Variants in C5orf46 observed in about 807,000 individuals in gnomAD.
C5orf46 encodes uncharacterized protein C5orf46.
Under a neutral mutation model 8.9 loss-of-function variants are expected in C5orf46, and 9 were observed. That is an observed-to-expected ratio of 1.01 (90% CI 0.61 to 1.76). The LOEUF is 1.76. Among genes scored for constraint, C5orf46 ranks in the 40% most tolerant of loss-of-function variants. C5orf46 has a pLI of 0.00. For synonymous variants in C5orf46, 47 were observed against 41.4 expected (o/e 1.14, Z -0.52); for missense variants, 98 against 107.8 (o/e 0.91, Z 0.40).
intron 2 of C5orf46, chr5:147,886,266 A>G (rs1757415104): frequency 6.6e-6 from 1 of 152,152 alleles, no homozygotes; most frequent in African/African-American, 2.4e-5. Context: ...TTTTACCTGT[A>G]TCAATGTCAG....
intron 3 of C5orf46, among the ~76,000 whole-genome samples, chr5:147,893,979 C>T (rs1283057519): frequency 6.6e-6 from 1 of 151,166 alleles, no homozygotes; most frequent in Non-Finnish European, 1.5e-5. Context: ...AATCAAGTGA[C>T]ATTGTGGCCA....
At chr5:147,900,574 C>G (rs934883960) in intron 2 of C5orf46, among the ~76,000 whole-genome samples, 2 of 152,200 alleles carry the variant, frequency 1.3e-5, no homozygotes, top group Admixed American at 6.5e-5. Flanking sequence ...CTGATCAAGG[C>G]ATGGCTTTTG....
At chr5:147,896,169 C>T (rs1201082860) in intron 3 of C5orf46, among the ~76,000 whole-genome samples, 1 of 152,180 alleles carries the variant, frequency 6.6e-6, no homozygotes, top group Non-Finnish European at 1.5e-5. Context: ...CTATTCTGCT[C>T]TGTTTCCAGT....
downstream of C5orf46, among the ~76,000 whole-genome samples, chr5:147,891,486 T>C (rs116736152): frequency 3.6e-3 from 554 of 152,322 alleles, 4 homozygotes; most frequent in African/African-American, 0.013. Context: ...TTACCAAATC[T>C]TGTATTGATA....
chr5:147,901,738 C>A lies in C5orf46; in HGVS notation c.106G>T (p.Asp36Tyr). The change falls in exon 2 of 4, where the codon GAC becomes TAC. Residue 36 changes from aspartate to tyrosine, a missense_variant. Physicochemically the swap from Asp to Tyr is radical, Grantham distance 160. Transcript: ENST00000318315. ...KPDKPDDKPDDSGKDPKPDFP... is the reference protein window; with the variant it reads ...KPDKPDDKPDYSGKDPKPDFP... ...TCTGGCTTTGGGTCTTTGCCCGAGT[C>A]GTCTGGCTTGTCGTCTGGCTTGTCT... is the stretch of plus-strand genomic sequence containing the variant. 2 of 1,613,836 alleles carry A rather than the reference C, an allele frequency of 1.2e-6. No homozygotes were observed. Among genetic ancestry groups the A allele is most frequent in the East Asian group, 4.5e-5 (2 of 44,834 alleles).
Position 147,900,866 on chromosome 5 carries a change from T to A in C5orf46, c.215+763A>T, listed in dbSNP as rs958480376. 1.1e-4 allele frequency among the ~76,000 whole-genome samples: 17 copies of A among 152,084 alleles called. 1 individual carries two copies. Among genetic ancestry groups the A allele is most frequent in the Admixed American group, 2.0e-4 (3 of 15,260 alleles). On this transcript the variant is annotated intron_variant, in intron 2 of 3. Transcript: ENST00000318315. ...CTTGGAGAACTGAAATTTGGGAGAT[T>A]AATATGGGGAGAATAAAGCATACAG...
Position 147,897,066 on chromosome 5 carries a change from A to C in C5orf46, c.216-25T>G, listed in dbSNP as rs1033889944. 2.0e-5 allele frequency: 24 copies of C among 1,218,214 alleles called. No homozygotes were observed. In the African/African-American group the frequency reaches 3.4e-4, roughly 17 times the overall value. 75.5% of individuals were successfully genotyped at this position (1,218,214 alleles called of 1,614,324 possible). ...TCTTGAGAAAAAAAGAGAAAATAAG[A>C]ATTACAATTGAGACTGAACAGGAGT... On this transcript the variant is annotated intron_variant, in intron 2 of 3. Coordinates refer to ENST00000318315, the MANE Select transcript of C5orf46 (RefSeq NM_206966.3).
Position 147,906,529 on chromosome 5 carries a change from T to A in C5orf46, c.-28A>T. 6.5e-7 allele frequency: 1 copy of A among 1,548,218 alleles called. No individual in the cohort carries two copies. Among genetic ancestry groups the A allele is most frequent in the South Asian group, 1.1e-5 (1 of 88,234 alleles). Reference sequence around the variant, plus strand: ...TGGTAGCACGGGGTATTCGTGCAGATAAATTGTTCAGATACATGTGAAACA... The same window carrying A: ...TGGTAGCACGGGGTATTCGTGCAGAAAAATTGTTCAGATACATGTGAAACA... On this transcript the variant is annotated 5_prime_UTR_variant, in exon 1 of 4. Coordinates refer to ENST00000318315, the MANE Select transcript of C5orf46 (RefSeq NM_206966.3).
intron 1 of C5orf46, among the ~76,000 whole-genome samples, chr5:147,905,670 T>G (rs1238936443): frequency 2.6e-5 from 4 of 152,144 alleles, no homozygotes; most frequent in Non-Finnish European, 5.9e-5. Context: ...TGAGCTTCTA[T>G]GTGCTTGGAA....
Position 147,906,524 on chromosome 5 carries a change from G to A in C5orf46, c.-23C>T, listed in dbSNP as rs1032329305. ...CATTCTGGTAGCACGGGGTATTCGT[G>A]CAGATAAATTGTTCAGATACATGTG... On this transcript the variant is annotated 5_prime_UTR_variant, in exon 1 of 4. Coordinates refer to ENST00000318315, the MANE Select transcript of C5orf46 (RefSeq NM_206966.3). The A allele has an allele frequency of 1.9e-6, 3 of 1,574,672 alleles. No individual in the cohort carries two copies. Among genetic ancestry groups the A allele is most frequent in the Non-Finnish European group, 2.6e-6 (3 of 1,145,730 alleles).
At chr5:147,901,446 A>T (rs1197880265) in intron 2 of C5orf46, 183 bp downstream of exon 2, 9 of 505,132 alleles carry the variant, frequency 1.8e-5, no homozygotes, top group Non-Finnish European at 3.0e-5. Flanking sequence ...TCCCCCAAAA[A>T]GCTCAGGGCA....
chr5:147,895,912 C>G (rs1021949900), intron 3 of C5orf46, among the ~76,000 whole-genome samples: 2 of 152,042 alleles, frequency 1.3e-5, no homozygotes, highest in Non-Finnish European at 2.9e-5. Context: ...GGCTAAGTTC[C>G]GGGGGAATAT....
rs966785652 is a variant in C5orf46 at position 147,901,904 on chromosome 5, G to A, written c.71-131C>T. On this transcript the variant is annotated intron_variant, in intron 1 of 3. Coordinates refer to ENST00000318315, the MANE Select transcript of C5orf46 (RefSeq NM_206966.3). ...ATAGCCTTATATGGTTATATTCATC[G>A]AACATTTAATGCCTGTCTGGATAAA... 49 of 909,358 alleles carry A rather than the reference G, an allele frequency of 5.4e-5. No individual in the cohort carries two copies. In the African/African-American group the frequency reaches 6.4e-4, roughly 12 times the overall value. The allele number at this position is 909,358 out of a possible 1,614,324, so 56.3% of individuals were successfully genotyped here.
chr5:147,894,437 A>C (rs1487087206), intron 3 of C5orf46, among the ~76,000 whole-genome samples: 1 of 152,146 alleles, frequency 6.6e-6, no homozygotes, highest in East Asian at 1.9e-4. Context: ...CGGTTATTGG[A>C]TATTTTTCCA....
intron 1 of C5orf46, among the ~76,000 whole-genome samples, chr5:147,904,987 GTTACTA>G (rs1294777082): frequency 6.6e-6 from 1 of 150,870 alleles, no homozygotes; most frequent in East Asian, 1.9e-4. Flanking sequence ...CTGTTTTATT[GTTACTA>G]TTAATAATAA....
intron 1 of C5orf46, among the ~76,000 whole-genome samples, chr5:147,906,061 T>C (rs558491285): frequency 1.4e-4 from 22 of 152,340 alleles, no homozygotes; most frequent in African/African-American, 4.6e-4. Flanking sequence ...TTCTGGTTAG[T>C]GGTAGAGCCA....
intron 2 of C5orf46, among the ~76,000 whole-genome samples, chr5:147,897,592 G>A (rs565381386): frequency 8.5e-5 from 13 of 152,280 alleles, no homozygotes; most frequent in Middle Eastern, 3.4e-3. Context: ...CTAAAATATG[G>A]TTTGTGAATT....
At chr5:147,905,485 C>G (rs544397944) in intron 1 of C5orf46, among the ~76,000 whole-genome samples, 6 of 152,272 alleles carry the variant, frequency 3.9e-5, no homozygotes, top group African/African-American at 1.4e-4. Context: ...GTGGCCATGT[C>G]TAGAGTAATT....
chr5:147,899,293 G>T (rs1757631688), intron 2 of C5orf46, among the ~76,000 whole-genome samples: 1 of 152,144 alleles, frequency 6.6e-6, no homozygotes, highest in Admixed American at 6.6e-5. Flanking sequence ...CCGTGTCCCT[G>T]CTTTGTACAT....
Sources: allele counts gnomAD v4.1 joint callset (sites outside exome capture counted in the v4.1 genomes callset), GRCh38; gene constraint gnomAD v4.1.1; transcripts MANE v1.5; gene names NCBI Gene and HGNC (gene_info 2026-07-23, HGNC 2026-07-21).